Variants in PDZRN3 observed in about 807,000 individuals in gnomAD.
PDZRN3 encodes E3 ubiquitin-protein ligase PDZRN3.
Under a neutral mutation model 85.7 loss-of-function variants are expected in PDZRN3, and 38 were observed. The ratio of observed to expected loss-of-function variants is 0.44; its 90% CI spans 0.34 to 0.58. The LOEUF is 0.58. PDZRN3 is among the 20% of genes least tolerant of loss of function. The pLI, the probability that PDZRN3 is intolerant of heterozygous loss-of-function variation, is 0.01. For missense variants in PDZRN3, 1,629 were observed against 1,506.4 expected, an observed-to-expected ratio of 1.08 and a Z score of -1.35; for synonymous variants, 759 against 638.0, an observed-to-expected ratio of 1.19 and a Z score of -2.86.
rs1702484301 is a variant in PDZRN3, at chr3:73,433,989, G to A, written c.919-29594C>T. 7.1e-6 allele frequency: 9 copies of A among 1,275,946 alleles called. No homozygotes were observed. The East Asian group carries it at 2.7e-4, about 39-fold the overall frequency. The allele number at this position is 1,275,946 out of a possible 1,614,324, so 79.0% of individuals were successfully genotyped here. A position where few individuals can be genotyped will look rare whatever the true frequency, so the allele number is the denominator to read the frequency against. On this transcript the variant is annotated intron_variant, in intron 3 of 9. Coordinates refer to ENST00000263666, the MANE Select transcript of PDZRN3 (RefSeq NM_015009.3). ...ACCACTCCCTCCTCTGAGTGACTCT[G>A]GCAGCTGGATTGTGGTCCAATGCAC...
rs767316844 is a variant in PDZRN3 at position 73,384,511 on chromosome 3, C to T, written c.2055G>A (p.Leu685=). ...KSDPESVDKE[L]ELLNEELRSI... is the part of the protein sequence containing the mutation. ...TGCGCAGCTCTTCGTTCAGCAGCTC[C>T]AGCTCCTTGTCCACGCTCTCAGGGT... is the stretch of plus-strand genomic sequence containing the variant. The change falls in exon 10 of 10, where the codon CTG becomes CTA. Residue 685 remains leucine (L), a synonymous_variant. Coordinates refer to ENST00000263666, the MANE Select transcript of PDZRN3 (RefSeq NM_015009.3). The T allele has an allele frequency of 6.2e-7, 1 of 1,613,752 alleles. No homozygotes were observed. The highest frequency in any genetic ancestry group is 8.5e-7 in the Non-Finnish European group (1 of 1,180,032).
At chr3:73,574,457 T>TGGGGGGGGGGG (rs72092693) in intron 3 of PDZRN3, among the ~76,000 whole-genome samples, 29 of 120,088 alleles carry the variant, frequency 2.4e-4, no homozygotes, top group South Asian at 2.9e-4. Flanking sequence ...TTGGCTGGGG[T>TGGGGGGGGGGG]GGGGGGGGTG....
At chr3:73,435,075 C>A (rs929139058) in intron 3 of PDZRN3, among the ~76,000 whole-genome samples, 5 of 152,192 alleles carry the variant, frequency 3.3e-5, no homozygotes, top group Non-Finnish European at 7.3e-5. Context: ...GGAGGACTCC[C>A]ACGTCCCTTG....
intron 3 of PDZRN3, among the ~76,000 whole-genome samples, chr3:73,555,789 T>C (rs762029973): frequency 2.0e-5 from 3 of 152,310 alleles, no homozygotes; most frequent in Middle Eastern, 3.4e-3. Flanking sequence ...TATTTCTGAA[T>C]TGAAATCAGC....
In PDZRN3 at chr3:73,509,337, C is replaced by G. The variant is rs117549532; in HGVS notation, c.918+93017G>C. Among the ~76,000 whole-genome samples, 728 of 152,336 alleles carry G rather than the reference C, an allele frequency of 4.8e-3. 8 individuals are homozygous for G. Among genetic ancestry groups the G allele is most frequent in the East Asian group, 0.026 (136 of 5,182 alleles). On this transcript the variant is annotated intron_variant, in intron 3 of 9. Transcript: ENST00000263666. ...CAACAGGCACAGGAAAGGGCGGACC[C>G]AGGAGGACGCAGACCCATGCGGTCT...
intron 2 of PDZRN3, among the ~76,000 whole-genome samples, chr3:73,604,950 G>A (rs369232105): frequency 6.6e-6 from 1 of 152,180 alleles, no homozygotes; most frequent in Admixed American, 6.5e-5. Flanking sequence ...GCCAGGCATG[G>A]CAGCTCACAC....
chr3:73,615,258 G>A (rs1209714999), intron 1 of PDZRN3, among the ~76,000 whole-genome samples: 1 of 152,070 alleles, frequency 6.6e-6, no homozygotes, highest in Non-Finnish European at 1.5e-5. Flanking sequence ...ATCCATAAAT[G>A]TCTAATTTCT....
intron 3 of PDZRN3, among the ~76,000 whole-genome samples, chr3:73,564,691 C>T (rs557468985): frequency 6.6e-6 from 1 of 152,304 alleles, no homozygotes; most frequent in South Asian, 2.1e-4. Flanking sequence ...CCTTTCCCTC[C>T]CCAATAATTA....
At chr3:73,436,226 T>C (rs1000882751) in intron 3 of PDZRN3, among the ~76,000 whole-genome samples, 5 of 152,234 alleles carry the variant, frequency 3.3e-5, no homozygotes, top group Non-Finnish European at 5.9e-5. Context: ...TTAACGCTTA[T>C]GTGTTTGCTG....
intron 3 of PDZRN3, among the ~76,000 whole-genome samples, chr3:73,550,312 C>A (rs1701523225): frequency 6.6e-6 from 1 of 152,148 alleles, no homozygotes; most frequent in Admixed American, 6.5e-5. Flanking sequence ...TTTTAACAGG[C>A]CCTTTAGGTC....
At chr3:73,404,126 G>T (rs1025398073) in intron 4 of PDZRN3, 22 bp downstream of exon 4, 3 of 1,606,896 alleles carry the variant, frequency 1.9e-6, no homozygotes, top group Non-Finnish European at 2.6e-6. Flanking sequence ...ATGCATTAGG[G>T]GTTCAAGATT....
chr3:73,508,117 G>A (rs1280922983), intron 3 of PDZRN3, among the ~76,000 whole-genome samples: 1 of 151,934 alleles, frequency 6.6e-6, no homozygotes, highest in East Asian at 1.9e-4. Context: ...GCTATTACCA[G>A]CCCTGTTCCC....
chr3:73,434,813 C>G (rs1452076583), intron 3 of PDZRN3, among the ~76,000 whole-genome samples: 3 of 152,208 alleles, frequency 2.0e-5, no homozygotes, highest in African/African-American at 7.2e-5. Flanking sequence ...GAGGTGACAA[C>G]AGACAACATT....
rs912778197 is a variant in PDZRN3 at position 73,393,841 on chromosome 3, G to A, written c.1255-2725C>T. 2.0e-5 allele frequency among the ~76,000 whole-genome samples: 3 copies of A among 152,156 alleles called. No individual in the cohort carries two copies. In the South Asian group the frequency reaches 6.2e-4, roughly 32 times the overall value. ...TTGGCCTACTACCAAACATGTAGGT[G>A]GCCTGATATCACGAGATTTTAGAAT... On this transcript the variant is annotated intron_variant, in intron 5 of 9. Transcript: ENST00000263666.
At chr3:73,475,888 C>A (rs1416914326) in intron 3 of PDZRN3, among the ~76,000 whole-genome samples, 1 of 152,214 alleles carries the variant, frequency 6.6e-6, no homozygotes, top group Non-Finnish European at 1.5e-5. Context: ...CCACAGGAAA[C>A]ACCCTTCAAA....
At chr3:73,572,136 C>T (rs1702054372) in intron 3 of PDZRN3, among the ~76,000 whole-genome samples, 1 of 152,152 alleles carries the variant, frequency 6.6e-6, no homozygotes, top group Admixed American at 6.5e-5. Flanking sequence ...TGTCCAAAGT[C>T]ATTCTTGTTT....
At chr3:73,546,771 T>C (rs1701431856) in intron 3 of PDZRN3, among the ~76,000 whole-genome samples, 1 of 152,240 alleles carries the variant, frequency 6.6e-6, no homozygotes, top group Admixed American at 6.5e-5. Context: ...AGCTGAGCAA[T>C]GACTTTATCA....
At position 73,404,140 on chromosome 3, in the gene PDZRN3, T is replaced by G; in HGVS notation, c.1166+8A>C. The G allele has an allele frequency of 6.2e-7, 1 of 1,612,158 alleles. No individual in the cohort carries two copies. The highest frequency in any genetic ancestry group is 8.5e-7 in the Non-Finnish European group (1 of 1,178,628). The stretch of plus-strand genomic sequence containing the variant: ...AATGCATTAGGGGTTCAAGATTAGG[T>G]TACTTACTCCTCTGGCAAGAGATAG... On this transcript the variant is annotated splice_region_variant and intron_variant, in intron 4 of 9. Coordinates refer to ENST00000263666, the MANE Select transcript of PDZRN3 (RefSeq NM_015009.3).
intron 1 of PDZRN3, among the ~76,000 whole-genome samples, chr3:73,610,649 G>C (rs1702669368): frequency 6.6e-6 from 1 of 152,180 alleles, no homozygotes; most frequent in South Asian, 2.1e-4. Flanking sequence ...TATCTTACAT[G>C]TCTGGCTTTC....
Sources: gnomAD v4.1 joint callset for allele counts (sites outside exome capture counted in the v4.1 genomes callset) on GRCh38, gnomAD v4.1.1 for gene constraint, MANE v1.5 for transcripts, NCBI Gene and HGNC (gene_info 2026-07-23, HGNC 2026-07-21) for gene names.